CNTNAP4: variants seen among roughly 807,000 people sequenced by gnomAD.
CNTNAP4 encodes the protein contactin-associated protein-like 4.
In CNTNAP4, 98 loss-of-function variants were observed where a neutral mutation model predicts 148.4. The ratio of observed to expected loss-of-function variants is 0.66; its 90% confidence interval spans 0.56 to 0.78. The LOEUF is 0.78. Ranked by LOEUF, CNTNAP4 falls within the 30% of genes least tolerant of loss-of-function variation. The pLI is 0.00. For synonymous variants in CNTNAP4, 730 were observed against 565.1 expected (o/e 1.29, Z -4.14); for missense variants, 1,935 against 1,565.6 (o/e 1.24, Z -3.98).
chr16:76,391,189 C>G (rs1272578275), intron 3 of CNTNAP4, among the ~76,000 whole-genome samples: 1 of 152,170 alleles, frequency 6.6e-6, no homozygotes, highest in Non-Finnish European at 1.5e-5. Context: ...ATGTTGACAG[C>G]AAATCACACT....
At chr16:76,377,396 A>G (rs1294296146) in intron 3 of CNTNAP4, among the ~76,000 whole-genome samples, 1 of 152,184 alleles carries the variant, frequency 6.6e-6, no homozygotes, top group Non-Finnish European at 1.5e-5. Context: ...TGAGGCTGAA[A>G]AGCAAATAAA....
chr16:76,289,047 C>G (rs927273105), intron 1 of CNTNAP4, among the ~76,000 whole-genome samples: 12 of 149,920 alleles, frequency 8.0e-5, no homozygotes, highest in Non-Finnish European at 1.5e-4. Context: ...CACTATCTCT[C>G]TTTTCCTTTC....
At chr16:76,355,274 A>C (rs769209677) in intron 2 of CNTNAP4, 44 bp from the exon 3 acceptor site, 1 of 1,423,762 alleles carries the variant, frequency 7.0e-7, no homozygotes, top group African/African-American at 1.4e-5. Context: ...TTTTTAACTA[A>C]CTTTCCTTTC....
chr16:76,296,729 A>C (rs922217511), intron 1 of CNTNAP4, among the ~76,000 whole-genome samples: 6 of 152,134 alleles, frequency 3.9e-5, no homozygotes, highest in African/African-American at 1.4e-4. Context: ...ATTCCACATC[A>C]ATTTGAATCC....
chr16:76,373,500 G>T lies in CNTNAP4; in HGVS notation c.390+17989G>T, dbSNP rs199874429. 8.5e-5 allele frequency among the ~76,000 whole-genome samples: 13 copies of T among 152,076 alleles called. No homozygotes were observed. The East Asian group carries it at 1.9e-3, about 23-fold the overall frequency. ...CACTAAATTTACTCCTTTCAGAAAT[G>T]TTCACAAAAAATACTTTGGGTGACT... On this transcript the variant is annotated intron_variant, in intron 3 of 23. Transcript: ENST00000611870.
At chr16:76,318,784 AATT>A (rs1424327462) in intron 2 of CNTNAP4, among the ~76,000 whole-genome samples, 7 of 148,862 alleles carry the variant, frequency 4.7e-5, no homozygotes, top group Non-Finnish European at 1.0e-4. Flanking sequence ...TAATCATAAT[AATT>A]AATAATTATG....
chr16:76,553,780 A>G, intron 22 of CNTNAP4, 56 bp from the exon 23 acceptor site: 1 of 1,123,226 alleles, frequency 8.9e-7, no homozygotes, highest in Non-Finnish European at 1.3e-6. Flanking sequence ...TGTTTTCAAA[A>G]TTTCTTCTTT....
chr16:76,517,528 A>T (rs535988267), intron 15 of CNTNAP4, among the ~76,000 whole-genome samples: 1 of 152,200 alleles, frequency 6.6e-6, no homozygotes, highest in South Asian at 2.1e-4. Context: ...TTGCTTCGGC[A>T]TTTCTAAATT....
chr16:76,458,448 C>A (rs986229144), intron 8 of CNTNAP4, among the ~76,000 whole-genome samples: 7 of 151,958 alleles, frequency 4.6e-5, no homozygotes, highest in Non-Finnish European at 1.0e-4. Flanking sequence ...TTATACAACT[C>A]ATCATAATGT....
chr16:76,369,049 T>TA (rs369958068), intron 3 of CNTNAP4, among the ~76,000 whole-genome samples: 3,790 of 144,454 alleles, frequency 0.026, 129 homozygotes, highest in African/African-American at 0.086. Context: ...GTTTTTTGGT[T>TA]AAAAAAAAAA....
chr16:76,320,686 C>T (rs1401764956), intron 2 of CNTNAP4, among the ~76,000 whole-genome samples: 1 of 152,100 alleles, frequency 6.6e-6, no homozygotes, highest in Non-Finnish European at 1.5e-5. Flanking sequence ...AGAGTTCAAA[C>T]AGGTTCTAGT....
At chr16:76,421,131 G>A (rs2079174371) in intron 3 of CNTNAP4, among the ~76,000 whole-genome samples, 1 of 151,880 alleles carries the variant, frequency 6.6e-6, no homozygotes, top group Non-Finnish European at 1.5e-5. Context: ...ACCCTTTTAT[G>A]CAAAAGGTAC....
chr16:76,337,454 A>G (rs1401456338), intron 2 of CNTNAP4, among the ~76,000 whole-genome samples: 1 of 152,168 alleles, frequency 6.6e-6, no homozygotes, highest in East Asian at 1.9e-4. Context: ...AGTTTTTATT[A>G]GGGATTTCAA....
At chr16:76,424,786 G>A (rs573434004) in intron 3 of CNTNAP4, among the ~76,000 whole-genome samples, 15 of 150,536 alleles carry the variant, frequency 1.0e-4, no homozygotes, top group South Asian at 6.3e-4. Flanking sequence ...ACAAAAAGAC[G>A]TAAGCTTACA....
At chr16:76,280,244 C>G (rs1449443858) in intron 1 of CNTNAP4, among the ~76,000 whole-genome samples, 1 of 152,160 alleles carries the variant, frequency 6.6e-6, no homozygotes, top group African/African-American at 2.4e-5. Flanking sequence ...TTTCATGGGA[C>G]AGAACTCTGC....
chr16:76,377,424 G>C (rs1293002187), intron 3 of CNTNAP4, among the ~76,000 whole-genome samples: 2 of 152,174 alleles, frequency 1.3e-5, no homozygotes, highest in East Asian at 3.9e-4. Context: ...TGATGGAAGA[G>C]AGTCGGAAAG....
chr16:76,323,174 C>T (rs1255329058), intron 2 of CNTNAP4, among the ~76,000 whole-genome samples: 2 of 152,084 alleles, frequency 1.3e-5, no homozygotes, highest in Admixed American at 6.6e-5. Flanking sequence ...CAAAGCAAAA[C>T]AGAGTCAAAT....
At chr16:76,554,541 T>G (rs765846679) in intron 23 of CNTNAP4, among the ~76,000 whole-genome samples, 3 of 152,070 alleles carry the variant, frequency 2.0e-5, no homozygotes, top group Admixed American at 2.0e-4. Flanking sequence ...TGACAGCATA[T>G]TCTCTGATAT....
chr16:76,420,947 C>T (rs1460933216), intron 3 of CNTNAP4, among the ~76,000 whole-genome samples: 1 of 151,804 alleles, frequency 6.6e-6, no homozygotes, highest in African/African-American at 2.4e-5. Flanking sequence ...TTTAGTCTTC[C>T]ACAAAATCGT....
Sources: allele counts gnomAD v4.1 joint callset (sites outside exome capture counted in the v4.1 genomes callset), GRCh38; gene constraint gnomAD v4.1.1; transcripts MANE v1.5; gene names NCBI Gene and HGNC (gene_info 2026-07-23, HGNC 2026-07-21).